The following PTPRD variants were observed in gnomAD, a reference collection of about 807,000 sequenced individuals.
The protein encoded by PTPRD is protein tyrosine phosphatase receptor type D.
PTPRD carries 34 observed loss-of-function variants against 214.5 expected under a neutral mutation model. The ratio of observed to expected loss-of-function variants is 0.16; its 90% CI spans 0.12 to 0.21. PTPRD has a LOEUF of 0.21. Ranked by LOEUF, PTPRD falls within the 10% of genes least tolerant of loss-of-function variation. PTPRD has a pLI of 1.00. For missense variants in PTPRD, 2,545 were observed against 2,398.7 expected (o/e 1.06, Z -1.27); for synonymous variants, 1,128 against 845.7 (o/e 1.33, Z -5.79).
chr9:9,157,432 G>A (rs893391760), intron 10 of PTPRD, among the ~76,000 whole-genome samples: 2 of 152,130 alleles, frequency 1.3e-5, no homozygotes, highest in South Asian at 2.1e-4. Flanking sequence ...AAAAATAAAT[G>A]TCATTACAAC....
At chr9:9,209,652 T>A (rs140904133) in intron 9 of PTPRD, among the ~76,000 whole-genome samples, 2 of 152,176 alleles carry the variant, frequency 1.3e-5, no homozygotes, top group African/African-American at 4.8e-5. Flanking sequence ...GGACTATAAA[T>A]AAACCAGACT....
chr9:8,346,910 C>A (rs1390634955), intron 39 of PTPRD, among the ~76,000 whole-genome samples: 1 of 152,096 alleles, frequency 6.6e-6, no homozygotes, highest in African/African-American at 2.4e-5. Flanking sequence ...TGCTGTTGCA[C>A]CTCAAACTGC....
chr9:8,355,465 C>T (rs191105813), intron 39 of PTPRD, among the ~76,000 whole-genome samples: 54 of 152,052 alleles, frequency 3.6e-4, no homozygotes, highest in Non-Finnish European at 5.4e-4. Flanking sequence ...TACATACTGA[C>T]GAATAAATAA....
intron 2 of PTPRD, among the ~76,000 whole-genome samples, chr9:10,478,761 CAAAT>C (rs534317815): frequency 1.3e-5 from 2 of 151,340 alleles, no homozygotes; most frequent in South Asian, 2.1e-4. Flanking sequence ...TATATTCACT[CAAAT>C]AAGTTGAGGA....
At chr9:8,906,610 A>G (rs2154256344) in intron 11 of PTPRD, among the ~76,000 whole-genome samples, 1 of 152,324 alleles carries the variant, frequency 6.6e-6, no homozygotes, top group South Asian at 2.1e-4. Context: ...ATTTACTTGT[A>G]AAAAGTGCTG....
intron 11 of PTPRD, among the ~76,000 whole-genome samples, chr9:8,937,572 A>G (rs1466417804): frequency 6.6e-6 from 1 of 152,110 alleles, no homozygotes; most frequent in East Asian, 1.9e-4. Context: ...TCCCTCAGAG[A>G]GGCCCTATTC....
At chr9:8,864,179 A>C (rs2098155637) in intron 11 of PTPRD, among the ~76,000 whole-genome samples, 1 of 152,238 alleles carries the variant, frequency 6.6e-6, no homozygotes, top group Admixed American at 6.5e-5. Flanking sequence ...AAATCATGGG[A>C]CATAACCTGA....
chr9:8,404,207 C>G (rs1423434220), intron 36 of PTPRD, among the ~76,000 whole-genome samples: 1 of 152,172 alleles, frequency 6.6e-6, no homozygotes, highest in Non-Finnish European at 1.5e-5. Flanking sequence ...CGGCTCACTG[C>G]AACTCCCGCC....
At chr9:8,470,799 G>GT (rs1165485099) in intron 31 of PTPRD, among the ~76,000 whole-genome samples, 196 bp downstream of exon 31, 6 of 152,118 alleles carry the variant, frequency 3.9e-5, no homozygotes, top group Non-Finnish European at 8.8e-5. Flanking sequence ...GCAGCTTAAT[G>GT]TTTTTTAATT....
chr9:8,319,587 C>A (rs1259243222), intron 45 of PTPRD, among the ~76,000 whole-genome samples: 1 of 151,658 alleles, frequency 6.6e-6, no homozygotes, highest in Non-Finnish European at 1.5e-5. Flanking sequence ...AAAAATGGTC[C>A]AGTAGTAAAA....
intron 44 of PTPRD, among the ~76,000 whole-genome samples, chr9:8,324,255 C>G (rs1032801169): frequency 2.0e-5 from 3 of 152,068 alleles, no homozygotes; most frequent in African/African-American, 7.2e-5. Flanking sequence ...CCCCCAGGCC[C>G]CCACCCCCTG....
chr9:8,734,077 T>C, intron 11 of PTPRD, 131 bp from the exon 12 acceptor site: 2 of 561,964 alleles, frequency 3.6e-6, no homozygotes, highest in South Asian at 2.1e-5. Flanking sequence ...CAATAAATTG[T>C]AACTGTCATA....
At chr9:9,838,780 A>G (rs1189413349) in intron 5 of PTPRD, among the ~76,000 whole-genome samples, 4 of 152,028 alleles carry the variant, frequency 2.6e-5, no homozygotes, top group Non-Finnish European at 1.5e-5. Flanking sequence ...ATTAGATCCC[A>G]TTTATCAATT....
intron 5 of PTPRD, among the ~76,000 whole-genome samples, chr9:9,771,674 C>G (rs149468584): frequency 2.0e-5 from 3 of 152,100 alleles, no homozygotes; most frequent in Admixed American, 1.3e-4. Flanking sequence ...GACATACAAC[C>G]CAATTTCAAG....
At chr9:8,967,782 T>C (rs2099207461) in intron 11 of PTPRD, among the ~76,000 whole-genome samples, 1 of 152,066 alleles carries the variant, frequency 6.6e-6, no homozygotes, top group African/African-American at 2.4e-5. Context: ...ATTAAAGTTT[T>C]AGGGTACAAG....
In PTPRD at chr9:9,395,153, C is replaced by T. The variant is rs535091434; in HGVS notation, c.-203+2296G>A. Among the ~76,000 whole-genome samples the T allele has an allele frequency of 5.3e-5, 8 of 151,518 alleles. No homozygotes were observed. The South Asian group carries it at 1.7e-3, about 32-fold the overall frequency. ...CATCCATAGAGAGAAGATGACTACTCCCAGTTGATGCTGACCCTCCCAGGA... is the reference window on the plus strand; with the variant it reads ...CATCCATAGAGAGAAGATGACTACTTCCAGTTGATGCTGACCCTCCCAGGA... On this transcript the variant is annotated intron_variant, in intron 9 of 45. Coordinates refer to ENST00000381196, the MANE Select transcript of PTPRD (RefSeq NM_002839.4).
At chr9:8,996,764 A>G (rs1347908967) in intron 11 of PTPRD, among the ~76,000 whole-genome samples, 3 of 151,994 alleles carry the variant, frequency 2.0e-5, no homozygotes, top group African/African-American at 7.2e-5. Context: ...GCTGAGCCTC[A>G]TGGCCTAATC....
chr9:9,020,333 A>T (rs1004200184), intron 10 of PTPRD, among the ~76,000 whole-genome samples: 75 of 152,140 alleles, frequency 4.9e-4, no homozygotes, highest in Admixed American at 4.8e-3. Context: ...TTTTGTTTTA[A>T]AAGATTATCT....
At chr9:9,481,629 T>G (rs1029849177) in intron 8 of PTPRD, among the ~76,000 whole-genome samples, 3 of 152,054 alleles carry the variant, frequency 2.0e-5, no homozygotes, top group African/African-American at 7.2e-5. Context: ...ACAACGCAAT[T>G]GTAAAACATA....
Sources: allele counts gnomAD v4.1 joint callset (sites outside exome capture counted in the v4.1 genomes callset), GRCh38; gene constraint gnomAD v4.1.1; transcripts MANE v1.5; gene names NCBI Gene and HGNC (gene_info 2026-07-23, HGNC 2026-07-21).